Variants in CTNNA3 observed in about 807,000 individuals in gnomAD.
CTNNA3 encodes catenin alpha-3.
In CTNNA3, 76 loss-of-function variants were observed where a neutral mutation model predicts 95.7. The ratio of observed to expected loss-of-function variants is 0.79; its 90% CI spans 0.66 to 0.96. The LOEUF is 0.96. CTNNA3 is among the 40% of genes least tolerant of loss of function. CTNNA3 has a pLI of 0.00. For missense variants in CTNNA3, 1,191 were observed against 1,089.8 expected, an observed-to-expected ratio of 1.09 and a Z score of -1.31; for synonymous variants, 431 against 374.4, an observed-to-expected ratio of 1.15 and a Z score of -1.74.
chr10:67,536,256 G>C (rs1840483136), intron 4 of CTNNA3, among the ~76,000 whole-genome samples: 2 of 152,080 alleles, frequency 1.3e-5, no homozygotes, highest in South Asian at 4.1e-4. Flanking sequence ...TATTTGAAAA[G>C]AGCCTTTTCT....
intron 6 of CTNNA3, among the ~76,000 whole-genome samples, chr10:67,209,405 G>T (rs1288396888): frequency 6.6e-6 from 1 of 152,134 alleles, no homozygotes; most frequent in East Asian, 1.9e-4. Context: ...AGGAGAAAAT[G>T]GTATTTTGCT....
At chr10:66,250,005 C>T (rs1209976413) in intron 13 of CTNNA3, among the ~76,000 whole-genome samples, 1 of 152,136 alleles carries the variant, frequency 6.6e-6, no homozygotes. Context: ...CAGTGTCCAT[C>T]ATCAAATGAG....
intron 9 of CTNNA3, among the ~76,000 whole-genome samples, chr10:66,699,231 C>A (rs892017657): frequency 3.6e-4 from 54 of 152,034 alleles, no homozygotes; most frequent in African/African-American, 1.2e-3. Context: ...TGGATATATA[C>A]CCAGAAAAGG....
chr10:67,089,792 C>T (rs1194444934), intron 7 of CTNNA3, among the ~76,000 whole-genome samples: 1 of 151,146 alleles, frequency 6.6e-6, no homozygotes, highest in Non-Finnish European at 1.5e-5. Context: ...CCTAGGCCCC[C>T]CATCCATTGC....
intron 5 of CTNNA3, among the ~76,000 whole-genome samples, chr10:67,300,444 T>C (rs1840220012): frequency 6.6e-6 from 1 of 152,088 alleles, no homozygotes; most frequent in Admixed American, 6.5e-5. Flanking sequence ...CACCAATGCA[T>C]ATTATAGTGC....
At chr10:67,500,076 T>C (rs1485834643) in intron 5 of CTNNA3, among the ~76,000 whole-genome samples, 2 of 152,228 alleles carry the variant, frequency 1.3e-5, no homozygotes, top group African/African-American at 4.8e-5. Flanking sequence ...TTTAGTGCTA[T>C]AAATTTCCCT....
At chr10:66,180,723 A>G (rs1399103573) in intron 13 of CTNNA3, among the ~76,000 whole-genome samples, 2 of 152,190 alleles carry the variant, frequency 1.3e-5, no homozygotes, top group Admixed American at 6.5e-5. Flanking sequence ...GAAGTTACAT[A>G]AACTTGTAAA....
intron 11 of CTNNA3, among the ~76,000 whole-genome samples, chr10:66,406,879 C>A (rs2093061662): frequency 6.6e-6 from 1 of 152,082 alleles, no homozygotes; most frequent in Admixed American, 6.6e-5. Context: ...AATAACCATA[C>A]TTATATCTTC....
chr10:67,610,318 C>G (rs974399990), intron 2 of CTNNA3, among the ~76,000 whole-genome samples: 26 of 152,214 alleles, frequency 1.7e-4, no homozygotes, highest in Admixed American at 5.2e-4. Context: ...ATAAGAACAT[C>G]ATGCTTCCAT....
At chr10:67,424,568 C>T (rs1484413753) in intron 5 of CTNNA3, among the ~76,000 whole-genome samples, 2 of 151,970 alleles carry the variant, frequency 1.3e-5, no homozygotes, top group African/African-American at 4.8e-5. Flanking sequence ...ATAACATTTG[C>T]TAAGGCTTCA....
At chr10:67,036,526 T>A (rs1303774170) in intron 7 of CTNNA3, among the ~76,000 whole-genome samples, 1 of 151,956 alleles carries the variant, frequency 6.6e-6, no homozygotes, top group East Asian at 1.9e-4. Flanking sequence ...TAGCCGGGCG[T>A]GGTGGCAGCT....
intron 5 of CTNNA3, among the ~76,000 whole-genome samples, chr10:67,298,850 T>A (rs186061437): frequency 2.0e-5 from 3 of 152,296 alleles, no homozygotes; most frequent in Non-Finnish European, 4.4e-5. Context: ...TCATGCTCCA[T>A]GACCCACATG....
Position 66,838,384 on chromosome 10 carries a change from AC to A in CTNNA3, c.1048-62861del, listed in dbSNP as rs920049689. 7.2e-4 allele frequency among the ~76,000 whole-genome samples: 109 copies of A among 152,274 alleles called. 1 individual carries two copies. The highest frequency in any genetic ancestry group is 2.5e-3 in the African/African-American group (102 of 41,576). On this transcript the variant is annotated intron_variant, in intron 7 of 17. Coordinates refer to ENST00000433211, the MANE Select transcript of CTNNA3 (RefSeq NM_013266.4). ...ATAATAAATGTTATCTATTATTAGT[AC>A]TACTGTTACATTATTTTGTCTTCTA...
chr10:66,631,772 T>C (rs1415464958), intron 9 of CTNNA3, among the ~76,000 whole-genome samples: 1 of 151,956 alleles, frequency 6.6e-6, no homozygotes, highest in Non-Finnish European at 1.5e-5. Context: ...AAAAAAGCAA[T>C]AGATGCAAAT....
At chr10:67,704,473 C>T (rs950355095) in intron 1 of CTNNA3, among the ~76,000 whole-genome samples, 1 of 152,172 alleles carries the variant, frequency 6.6e-6, no homozygotes, top group African/African-American at 2.4e-5. Context: ...AATAACGCCA[C>T]ATATCTACAA....
At chr10:67,526,573 T>C (rs1415141276) in intron 4 of CTNNA3, among the ~76,000 whole-genome samples, 3 of 152,170 alleles carry the variant, frequency 2.0e-5, no homozygotes, top group African/African-American at 4.8e-5. Flanking sequence ...ACAGGACAAA[T>C]TGTCTTTGCC....
chr10:67,742,581 A>G (rs1841346888), intron 1 of CTNNA3, among the ~76,000 whole-genome samples: 1 of 151,204 alleles, frequency 6.6e-6, no homozygotes, highest in Non-Finnish European at 1.5e-5. Flanking sequence ...CTAACATCAC[A>G]ATTAAAAGAG....
chr10:67,425,411 A>G (rs991585026), intron 5 of CTNNA3, among the ~76,000 whole-genome samples: 11 of 152,088 alleles, frequency 7.2e-5, no homozygotes, highest in Non-Finnish European at 1.6e-4. Flanking sequence ...AGAAAGTTTC[A>G]AAAAGAGATG....
intron 7 of CTNNA3, among the ~76,000 whole-genome samples, chr10:67,052,319 T>A (rs1855153548): frequency 1.5e-5 from 1 of 65,050 alleles, no homozygotes. Context: ...CATCACTCTC[T>A]CTCTCTCTCT....
Sources: gnomAD v4.1 joint callset for allele counts (sites outside exome capture counted in the v4.1 genomes callset) on GRCh38, gnomAD v4.1.1 for gene constraint, MANE v1.5 for transcripts, NCBI Gene and HGNC (gene_info 2026-07-23, HGNC 2026-07-21) for gene names.